STX8: variants seen among roughly 807,000 people sequenced by gnomAD.
The protein encoded by STX8 is syntaxin 8.
In STX8, 23 loss-of-function variants were observed where a neutral mutation model predicts 37.5. The observed-to-expected ratio is 0.61, with a 90% CI of 0.44 to 0.87. The LOEUF is 0.87. Ranked by LOEUF, STX8 falls within the 40% of genes least tolerant of loss-of-function variation. The pLI is 0.00. For synonymous variants in STX8, 115 were observed against 99.1 expected, an observed-to-expected ratio of 1.16 and a Z score of -0.95; for missense variants, 313 against 284.7, an observed-to-expected ratio of 1.10 and a Z score of -0.71.
At chr17:9,396,440 TG>T (rs1749513983) in intron 6 of STX8, among the ~76,000 whole-genome samples, 1 of 151,976 alleles carries the variant, frequency 6.6e-6, no homozygotes, top group South Asian at 2.1e-4. Context: ...TCCCGCACTT[TG>T]GGAGGCTGAG....
chr17:9,406,615 A>C (rs1912811990), intron 6 of STX8, among the ~76,000 whole-genome samples: 1 of 152,220 alleles, frequency 6.6e-6, no homozygotes, highest in Non-Finnish European at 1.5e-5. Flanking sequence ...TGTTTTGATA[A>C]ATTTTAACTT....
chr17:9,273,607 T>C (rs1384159432), intron 7 of STX8, among the ~76,000 whole-genome samples: 2 of 152,220 alleles, frequency 1.3e-5, no homozygotes, highest in Non-Finnish European at 1.5e-5. Flanking sequence ...CCCACATCCT[T>C]TCCTCATGGC....
chr17:9,492,692 T>A (rs549670931), intron 5 of STX8, among the ~76,000 whole-genome samples: 20 of 152,292 alleles, frequency 1.3e-4, no homozygotes, highest in Non-Finnish European at 2.8e-4. Flanking sequence ...TCATGCCTGT[T>A]ATCCCAGCCA....
intron 6 of STX8, among the ~76,000 whole-genome samples, chr17:9,389,394 C>A (rs1912129889): frequency 6.6e-6 from 1 of 152,214 alleles, no homozygotes; most frequent in Non-Finnish European, 1.5e-5. Context: ...ACCCTGCTTC[C>A]TGGTCAGTAC....
rs147463238 is a variant in STX8 at position 9,436,552 on chromosome 17, C to T, written c.541+55277G>A. ...TGAGGGTAAGATGGCCAACACGCTT[C>T]GGACAGATCACAGACACTTTGACCT... On this transcript the variant is annotated intron_variant, in intron 6 of 7. Transcript: ENST00000306357. 6.5e-3 allele frequency among the ~76,000 whole-genome samples: 983 copies of T among 152,208 alleles called. 11 individuals are homozygous for T. Among genetic ancestry groups the T allele is most frequent in the African/African-American group, 0.022 (921 of 41,508 alleles).
At chr17:9,562,331 G>A (rs1427356800) in intron 2 of STX8, among the ~76,000 whole-genome samples, 5 of 151,844 alleles carry the variant, frequency 3.3e-5, no homozygotes, top group South Asian at 2.1e-4. Flanking sequence ...GCGTGAACCC[G>A]GGAGGCGGAG....
intron 6 of STX8, among the ~76,000 whole-genome samples, chr17:9,466,533 C>T (rs970404799): frequency 2.0e-5 from 3 of 152,186 alleles, no homozygotes; most frequent in Non-Finnish European, 2.9e-5. Flanking sequence ...TGGAAATAAG[C>T]ACTGGAGAGA....
At chr17:9,563,807 G>GA (rs1364522810) in intron 2 of STX8, among the ~76,000 whole-genome samples, 2 of 149,572 alleles carry the variant, frequency 1.3e-5, no homozygotes, top group African/African-American at 4.9e-5. Context: ...ACATAAGACA[G>GA]AAAAAAAAAG....
intron 7 of STX8, among the ~76,000 whole-genome samples, chr17:9,254,137 C>T (rs1178882053): frequency 6.6e-6 from 1 of 152,186 alleles, no homozygotes; most frequent in Non-Finnish European, 1.5e-5. Flanking sequence ...GGGTCTTGCA[C>T]AGTCTGACCC....
At position 9,414,872 on chromosome 17, in the gene STX8, C is replaced by T. The variant is rs910597196; in HGVS notation, c.542-36219G>A. 5.7e-4 allele frequency among the ~76,000 whole-genome samples: 84 copies of T among 146,842 alleles called. 2 individuals are homozygous for T. The highest frequency in any genetic ancestry group is 3.0e-5 in the Non-Finnish European group (2 of 67,226). On this transcript the variant is annotated intron_variant, in intron 6 of 7. Transcript: ENST00000306357. ...GTGGCACCATCTTGGCTCACTGCAA[C>T]CTCTACCTCCTGGGTTCAAGCGATT...
At chr17:9,453,400 C>A (rs1948834509) in intron 6 of STX8, among the ~76,000 whole-genome samples, 1 of 151,898 alleles carries the variant, frequency 6.6e-6, no homozygotes, top group South Asian at 2.1e-4. Flanking sequence ...GTGAAGGATA[C>A]CTACCATATT....
chr17:9,423,372 C>T (rs1913513470), intron 6 of STX8, among the ~76,000 whole-genome samples: 1 of 152,224 alleles, frequency 6.6e-6, no homozygotes. Context: ...GTCACCCAGG[C>T]TGGAATGCAG....
At chr17:9,325,664 G>A (rs1909729455) in intron 7 of STX8, among the ~76,000 whole-genome samples, 1 of 152,254 alleles carries the variant, frequency 6.6e-6, no homozygotes, top group Non-Finnish European at 1.5e-5. Flanking sequence ...AAGAGCTCAG[G>A]AAGGTTTCCA....
At chr17:9,296,687 A>C (rs1908562638) in intron 7 of STX8, among the ~76,000 whole-genome samples, 1 of 151,888 alleles carries the variant, frequency 6.6e-6, no homozygotes, top group South Asian at 2.1e-4. Flanking sequence ...TGACAAAATG[A>C]AGGATTAGCT....
rs529379540 is a variant in STX8, at chr17:9,250,480, T to C, written c.*98A>G. On this transcript the variant is annotated 3_prime_UTR_variant, in exon 8 of 8. Transcript: ENST00000306357. ...AGCAATGCACAAGAGGTCAGAGCTT[T>C]GGGGGAATTTATTGAGAGCAGGTTT... The C allele has an allele frequency of 5.0e-5, 58 of 1,151,572 alleles. 1 individual carries two copies. The South Asian group carries it at 7.5e-4, about 15-fold the overall frequency. The allele number at this position is 1,151,572 out of a possible 1,614,324, so 71.3% of individuals were successfully genotyped here. A position where few individuals can be genotyped will look rare whatever the true frequency, so the allele number is the denominator to read the frequency against.
At chr17:9,570,512 G>A (rs775176729) in intron 1 of STX8, among the ~76,000 whole-genome samples, 4 of 151,366 alleles carry the variant, frequency 2.6e-5, no homozygotes, top group East Asian at 1.9e-4. Flanking sequence ...CTATATATTC[G>A]TATATGTCAC....
At chr17:9,506,816 G>A (rs1019927399) in intron 4 of STX8, among the ~76,000 whole-genome samples, 2 of 152,012 alleles carry the variant, frequency 1.3e-5, no homozygotes, top group Non-Finnish European at 2.9e-5. Context: ...CACTCCATGA[G>A]CCAAGTTACT....
intron 7 of STX8, among the ~76,000 whole-genome samples, chr17:9,263,194 C>A (rs148436677): frequency 2.0e-5 from 3 of 150,016 alleles, no homozygotes; most frequent in African/African-American, 7.4e-5. Context: ...CAAAAAGGGA[C>A]GGGTGCGTGC....
At chr17:9,428,978 T>C (rs1913743752) in intron 6 of STX8, among the ~76,000 whole-genome samples, 1 of 152,142 alleles carries the variant, frequency 6.6e-6, no homozygotes, top group Non-Finnish European at 1.5e-5. Flanking sequence ...GCACAAAACA[T>C]GTTTTTCAAG....
Sources: gnomAD v4.1 joint callset for allele counts (sites outside exome capture counted in the v4.1 genomes callset) on GRCh38, gnomAD v4.1.1 for gene constraint, MANE v1.5 for transcripts, NCBI Gene and HGNC (gene_info 2026-07-23, HGNC 2026-07-21) for gene names.